The following SPATA7 variants were observed in gnomAD, a reference collection of about 807,000 sequenced individuals.
SPATA7 encodes spermatogenesis associated 7.
A neutral mutation model predicts 51.8 loss-of-function variants in SPATA7; 43 were observed. That is an observed-to-expected ratio of 0.83 (90% CI 0.65 to 1.07). The LOEUF (loss-of-function observed/expected upper bound fraction) is 1.07. Among genes scored for constraint, SPATA7 ranks in the 50% least tolerant of loss-of-function variants. SPATA7 has a pLI of 0.00. For synonymous variants in SPATA7, 230 were observed against 252.8 expected (o/e 0.91, Z 0.86); for missense variants, 683 against 701.3 (o/e 0.97, Z 0.30).
At chr14:88,391,733 T>A in intron 2 of SPATA7, 1 of 476,182 alleles carries the variant, frequency 2.1e-6, no homozygotes, top group Non-Finnish European at 3.9e-6. Flanking sequence ...TACCCTGATT[T>A]AAGGCATACC....
chr14:88,446,418 T>C (rs1397088157), intron 3 of SPATA7, among the ~76,000 whole-genome samples: 20 of 152,328 alleles, frequency 1.3e-4, no homozygotes, highest in Non-Finnish European at 1.5e-5. Flanking sequence ...ATTTTGTTGA[T>C]CCTTTCAAAA....
intron 4 of SPATA7, among the ~76,000 whole-genome samples, chr14:88,413,483 T>C (rs2076395446): frequency 6.6e-6 from 1 of 152,190 alleles, no homozygotes; most frequent in Non-Finnish European, 1.5e-5. Context: ...TAGAATCATA[T>C]CATCAGGAAA....
chr14:88,391,614 A>G, intron 2 of SPATA7, 159 bp downstream of exon 2: 1 of 707,340 alleles, frequency 1.4e-6, no homozygotes, highest in Non-Finnish European at 2.5e-6. Context: ...TTGAGATTAG[A>G]GAATTTTGGA....
downstream of SPATA7, chr14:88,455,386 CT>C: frequency 5.2e-6 from 1 of 191,590 alleles, no homozygotes; most frequent in Non-Finnish European, 1.1e-5. Context: ...GGAAATAGGA[CT>C]AATTTAATTA....
intron 4 of SPATA7, chr14:88,414,734 T>A: frequency 2.6e-6 from 1 of 382,486 alleles, no homozygotes; most frequent in Non-Finnish European, 5.0e-6. Flanking sequence ...GAAATTTTGG[T>A]ATGTTGTGTT....
chr14:88,429,757 T>A (rs2076891273), intron 8 of SPATA7, among the ~76,000 whole-genome samples: 1 of 152,164 alleles, frequency 6.6e-6, no homozygotes, highest in Non-Finnish European at 1.5e-5. Flanking sequence ...AGACAAGTCC[T>A]CTGGCAGTGA....
At chr14:88,470,171 A>C in exon 5 of SPATA7, 2 of 853,206 alleles carry the variant, frequency 2.3e-6, no homozygotes, top group Non-Finnish European at 1.8e-6. Context: ...AAAAAGTAGT[A>C]AACTGGATTA....
At chr14:88,421,489 C>T (rs1471771741) in intron 5 of SPATA7, among the ~76,000 whole-genome samples, 1 of 152,068 alleles carries the variant, frequency 6.6e-6, no homozygotes. Flanking sequence ...GAGCCATAGA[C>T]CAGTTTTTAG....
chr14:88,441,565 G>A (rs1283614990), downstream of SPATA7, among the ~76,000 whole-genome samples: 2 of 152,040 alleles, frequency 1.3e-5, no homozygotes, highest in African/African-American at 4.8e-5. Context: ...GTGGTATCGC[G>A]TTGTGGTTTT....
intron 4 of SPATA7, among the ~76,000 whole-genome samples, chr14:88,403,396 A>G (rs1323294583): frequency 6.6e-6 from 1 of 152,262 alleles, no homozygotes; most frequent in Non-Finnish European, 1.5e-5. Flanking sequence ...ATTATAGCAA[A>G]TAGTCAAGAT....
chr14:88,452,377 G>GTAC (rs1173948640), intron 3 of SPATA7, among the ~76,000 whole-genome samples: 1 of 152,190 alleles, frequency 6.6e-6, no homozygotes, highest in East Asian at 1.9e-4. Flanking sequence ...TTTGTTAAGT[G>GTAC]TACTACTGGT....
chr14:88,422,763 C>T (rs1330490969), intron 5 of SPATA7, among the ~76,000 whole-genome samples: 1 of 151,732 alleles, frequency 6.6e-6, no homozygotes, highest in Non-Finnish European at 1.5e-5. Context: ...ATTTAGGATT[C>T]ATAGTAACTT....
In SPATA7 at chr14:88,396,153, C is replaced by T; in HGVS notation, c.191-3C>T. On this transcript the variant is annotated splice_region_variant and splice_polypyrimidine_tract_variant and intron_variant, in intron 3 of 11. Transcript: ENST00000393545. ...TTATTAAACTATTACCTTTCTCTTT[C>T]AGCTGCAGTAGACTGCTCGGTTCCA... is the stretch of plus-strand genomic sequence containing the variant. 1.9e-6 allele frequency: 3 copies of T among 1,607,504 alleles called. No homozygotes were observed. The highest frequency in any genetic ancestry group is 4.5e-5 in the East Asian group (2 of 44,766).
Position 88,390,546 on chromosome 14 carries a change from C to G in SPATA7, c.20-835C>G, listed in dbSNP as rs534698598. Reference sequence around the variant, plus strand: ...CAGGATTGTGTATCTCATGTTGGGACTTGGATCGCATAGCATTGCTGACGC... The same window carrying G: ...CAGGATTGTGTATCTCATGTTGGGAGTTGGATCGCATAGCATTGCTGACGC... On this transcript the variant is annotated intron_variant, in intron 1 of 11. Transcript: ENST00000393545. Among the ~76,000 whole-genome samples the G allele has an allele frequency of 7.2e-5, 11 of 152,282 alleles. No homozygotes were observed. The East Asian group carries it at 2.1e-3, about 29-fold the overall frequency.
At chr14:88,464,942 G>A (rs1458521439) in intron 4 of SPATA7, among the ~76,000 whole-genome samples, 1 of 152,004 alleles carries the variant, frequency 6.6e-6, no homozygotes, top group Non-Finnish European at 1.5e-5. Context: ...CAGAAAAGCT[G>A]GCCACGTCAT....
chr14:88,385,915 C>T lies in SPATA7; in HGVS notation c.19+78C>T, dbSNP rs573010657. The T allele has an allele frequency of 3.6e-5, 55 of 1,510,790 alleles. No homozygotes were observed. The South Asian group carries it at 5.2e-4, about 14-fold the overall frequency. 93.6% of individuals were successfully genotyped at this position (1,510,790 alleles called of 1,614,324 possible). A position where few individuals can be genotyped will look rare whatever the true frequency, so the allele number is the denominator to read the frequency against. On this transcript the variant is annotated intron_variant, in intron 1 of 11. Coordinates refer to ENST00000393545, the MANE Select transcript of SPATA7 (RefSeq NM_018418.5). ...CGCTCCCAGCCTCGGGTCCGGGCAG[C>T]TGAGTGCAAGGCCGCCCCTTGGGGC...
At chr14:88,447,624 G>A (rs1320685987) in intron 3 of SPATA7, among the ~76,000 whole-genome samples, 22 of 151,832 alleles carry the variant, frequency 1.4e-4, no homozygotes, top group East Asian at 1.9e-4. Context: ...GGCTGGTACC[G>A]GTTGTTCCTT....
At chr14:88,435,644 G>T (rs547540926) in intron 10 of SPATA7, among the ~76,000 whole-genome samples, 2 of 152,096 alleles carry the variant, frequency 1.3e-5, no homozygotes, top group East Asian at 1.9e-4. Context: ...CAATTGTTTT[G>T]ATTTTTAGAT....
At chr14:88,455,574 TAC>T (rs2077278777), downstream of SPATA7, among the ~76,000 whole-genome samples, 1 of 151,656 alleles carries the variant, frequency 6.6e-6, no homozygotes, top group African/African-American at 2.4e-5. Flanking sequence ...CCATTAAATA[TAC>T]ACACCTTTAC....
Sources: gnomAD v4.1 joint callset for allele counts (sites outside exome capture counted in the v4.1 genomes callset) on GRCh38, gnomAD v4.1.1 for gene constraint, MANE v1.5 for transcripts, NCBI Gene and HGNC (gene_info 2026-07-23, HGNC 2026-07-21) for gene names.